CFAP61: variants seen among roughly 807,000 people sequenced by gnomAD.
CFAP61 encodes cilia- and flagella-associated protein 61.
In CFAP61, 107 loss-of-function variants were observed where a neutral mutation model predicts 135.6. That is an observed-to-expected ratio of 0.79 (90% CI 0.67 to 0.93). The LOEUF (loss-of-function observed/expected upper bound fraction) is 0.93, where lower values mean the gene tolerates loss of function less well. Among genes scored for constraint, CFAP61 ranks in the 40% least tolerant of loss-of-function variants. CFAP61 has a pLI of 0.00. For synonymous variants in CFAP61, 575 were observed against 578.5 expected (o/e 0.99, Z 0.09); for missense variants, 1,507 against 1,556.2 (o/e 0.97, Z 0.53).
At chr20:20,324,493 A>G (rs143725370) in intron 25 of CFAP61, among the ~76,000 whole-genome samples, 164 of 152,254 alleles carry the variant, frequency 1.1e-3, no homozygotes, top group Non-Finnish European at 1.8e-3. Context: ...CTAAATCCCA[A>G]TTTACTTAAT....
intron 8 of CFAP61, among the ~76,000 whole-genome samples, chr20:20,100,113 C>T (rs544971647): frequency 3.0e-4 from 45 of 151,922 alleles, no homozygotes; most frequent in Non-Finnish European, 6.6e-4. Context: ...CAGTCTGGAA[C>T]CATAAGTTGT....
At chr20:20,052,731 G>T in intron 1 of CFAP61, 140 bp downstream of exon 1, 5 of 1,594,240 alleles carry the variant, frequency 3.1e-6, no homozygotes, top group Non-Finnish European at 4.3e-6. Flanking sequence ...CCCTGCAAGG[G>T]AGTAAGAACG....
chr20:20,344,916 G>C (rs995991957), intron 26 of CFAP61, among the ~76,000 whole-genome samples: 1 of 152,106 alleles, frequency 6.6e-6, no homozygotes, highest in Non-Finnish European at 1.5e-5. Flanking sequence ...ATAGTACCTA[G>C]CCATAAAAAT....
chr20:20,262,862 T>C lies in CFAP61; in HGVS notation c.2329-94T>C, dbSNP rs528204069. The C allele has an allele frequency of 3.2e-4, 181 of 568,868 alleles. No individual in the cohort carries two copies. In the African/African-American group the frequency reaches 3.4e-3, roughly 11 times the overall value. The allele number at this position is 568,868 out of a possible 1,614,324, so 35.2% of individuals were successfully genotyped here. ...TTGTATCTCGGGACAGAAAAAGACA[T>C]ACTGAATATTGCTATGTCTACTTTT... On this transcript the variant is annotated intron_variant, in intron 20 of 26. Transcript: ENST00000245957.
intron 25 of CFAP61, among the ~76,000 whole-genome samples, chr20:20,304,839 C>T (rs1280578066): frequency 1.3e-5 from 2 of 152,000 alleles, no homozygotes; most frequent in African/African-American, 2.4e-5. Context: ...ACCCCTGTCC[C>T]GTGTCTTCTC....
intron 25 of CFAP61, among the ~76,000 whole-genome samples, chr20:20,324,203 G>A (rs779306537): frequency 2.0e-5 from 3 of 152,030 alleles, no homozygotes; most frequent in Non-Finnish European, 4.4e-5. Flanking sequence ...CCTTCACAGA[G>A]CTTAAGATTA....
intron 20 of CFAP61, among the ~76,000 whole-genome samples, chr20:20,254,305 G>T (rs1216265992): frequency 1.3e-5 from 2 of 150,758 alleles, no homozygotes; most frequent in East Asian, 1.9e-4. Flanking sequence ...CCTCTGACTT[G>T]TTAAAACATT....
chr20:20,207,580 G>C (rs2056914241), intron 17 of CFAP61, among the ~76,000 whole-genome samples: 1 of 152,206 alleles, frequency 6.6e-6, no homozygotes, highest in Non-Finnish European at 1.5e-5. Context: ...TGCCTTTAGG[G>C]AAGAAAGGAA....
chr20:20,354,972 TGA>T (rs1280809095), intron 26 of CFAP61, among the ~76,000 whole-genome samples: 3 of 95,518 alleles, frequency 3.1e-5, no homozygotes, highest in East Asian at 3.7e-4. Context: ...GGTCACACTG[TGA>T]GAGGGGAGGT....
chr20:20,063,351 A>T (rs549154154), intron 2 of CFAP61, among the ~76,000 whole-genome samples: 53 of 152,208 alleles, frequency 3.5e-4, no homozygotes, highest in Non-Finnish European at 6.5e-4. Context: ...GCTCATGAAC[A>T]TGGATGTAAA....
At chr20:20,096,594 G>A (rs775250721) in intron 7 of CFAP61, among the ~76,000 whole-genome samples, 8 of 152,224 alleles carry the variant, frequency 5.3e-5, no homozygotes, top group East Asian at 1.9e-4. Flanking sequence ...GTTTTGTTGC[G>A]CCAGCGCGGC....
intron 7 of CFAP61, among the ~76,000 whole-genome samples, chr20:20,096,636 A>C (rs1042365510): frequency 2.6e-5 from 4 of 152,234 alleles, no homozygotes; most frequent in African/African-American, 9.6e-5. Flanking sequence ...CATGTGAACC[A>C]AGATGGATGC....
chr20:20,159,486 C>T (rs1287485948), intron 10 of CFAP61, 42 bp downstream of exon 10: 13 of 1,537,690 alleles, frequency 8.5e-6, no homozygotes, highest in Non-Finnish European at 1.2e-5. Flanking sequence ...CTAGCCACCC[C>T]ATGGGTTTCA....
At chr20:20,062,974 G>A (rs1299383377) in intron 2 of CFAP61, among the ~76,000 whole-genome samples, 2 of 152,162 alleles carry the variant, frequency 1.3e-5, no homozygotes, top group Non-Finnish European at 2.9e-5. Context: ...GATTTAAAGG[G>A]ATTGGGGACC....
At chr20:20,142,388 T>C (rs905358194) in intron 8 of CFAP61, among the ~76,000 whole-genome samples, 1 of 152,184 alleles carries the variant, frequency 6.6e-6, no homozygotes, top group Admixed American at 6.5e-5. Context: ...GGCATTCAGG[T>C]AACACTGATG....
intron 2 of CFAP61, 128 bp downstream of exon 2, chr20:20,056,924 C>T (rs967425716): frequency 3.9e-6 from 3 of 772,086 alleles, no homozygotes; most frequent in African/African-American, 3.5e-5. Flanking sequence ...TCAAGACCAG[C>T]CTGGCCGACA....
chr20:20,326,216 T>C (rs778491377), intron 25 of CFAP61, among the ~76,000 whole-genome samples: 1 of 152,242 alleles, frequency 6.6e-6, no homozygotes, highest in Non-Finnish European at 1.5e-5. Context: ...GTGTATTTGG[T>C]TTACTATTCC....
At chr20:20,295,669 A>G (rs1444662067) in intron 24 of CFAP61, among the ~76,000 whole-genome samples, 1 of 152,108 alleles carries the variant, frequency 6.6e-6, no homozygotes, top group African/African-American at 2.4e-5. Flanking sequence ...CATATATTTT[A>G]ATTCTGAAAT....
chr20:20,076,225 C>A (rs141631046), intron 6 of CFAP61, among the ~76,000 whole-genome samples: 1 of 152,286 alleles, frequency 6.6e-6, no homozygotes, highest in South Asian at 2.1e-4. Context: ...ACCAGTAGAC[C>A]GTGGCCAAAG....
Sources: gnomAD v4.1 joint callset for allele counts (sites outside exome capture counted in the v4.1 genomes callset) on GRCh38, gnomAD v4.1.1 for gene constraint, MANE v1.5 for transcripts, NCBI Gene and HGNC (gene_info 2026-07-23, HGNC 2026-07-21) for gene names.